Variants in GPBP1L1 observed in about 807,000 individuals in gnomAD.
The protein encoded by GPBP1L1 is vasculin-like protein 1.
In GPBP1L1, 23 loss-of-function variants were observed where a neutral mutation model predicts 52.5. The observed-to-expected ratio is 0.44, with a 90% confidence interval of 0.32 to 0.62. The LOEUF is 0.62. Ranked by LOEUF, GPBP1L1 falls within the 20% of genes least tolerant of loss-of-function variation. The probability of loss-of-function intolerance (pLI) is 0.06; values close to 1 mark genes in which losing one functional copy is unlikely to be tolerated. For synonymous variants in GPBP1L1, 243 were observed against 203.1 expected, an observed-to-expected ratio of 1.20 and a Z score of -1.67; for missense variants, 596 against 579.3, an observed-to-expected ratio of 1.03 and a Z score of -0.30.
chr1:45,629,957 T>TC (rs1213436942), intron 11 of GPBP1L1, among the ~76,000 whole-genome samples: 1 of 151,302 alleles, frequency 6.6e-6, no homozygotes, highest in East Asian at 1.9e-4. Context: ...AGTCTGGCTT[T>TC]TTTTTTTTTT....
intron 8 of GPBP1L1, among the ~76,000 whole-genome samples, chr1:45,638,315 G>C (rs754471146): frequency 2.6e-5 from 4 of 152,110 alleles, no homozygotes; most frequent in Non-Finnish European, 5.9e-5. Context: ...AAGGTTAAAA[G>C]GTGCCACTAC....
At chr1:45,643,645 G>C (rs757977043) in intron 6 of GPBP1L1, among the ~76,000 whole-genome samples, 2 of 149,560 alleles carry the variant, frequency 1.3e-5, no homozygotes, top group Non-Finnish European at 3.0e-5. Flanking sequence ...CTGGTAACAG[G>C]GTAGGAGAAT....
At chr1:45,664,335 G>C (rs75089318) in intron 2 of GPBP1L1, among the ~76,000 whole-genome samples, 2 of 149,922 alleles carry the variant, frequency 1.3e-5, no homozygotes, top group African/African-American at 4.9e-5. Context: ...AAAAGGCCGG[G>C]CGTGGTGGCT....
chr1:45,636,465 T>C (rs1181684774), intron 8 of GPBP1L1, among the ~76,000 whole-genome samples: 1 of 152,216 alleles, frequency 6.6e-6, no homozygotes, highest in Non-Finnish European at 1.5e-5. Context: ...CCTGTTCTTT[T>C]TATACAGGCC....
At position 45,684,596 on chromosome 1, in the gene GPBP1L1, ACAC is replaced by A. The variant is rs1366082048; in HGVS notation, c.-1098+977_-1098+979del. On this transcript the variant is annotated intron_variant, in intron 2 of 12. Coordinates refer to ENST00000355105, the MANE Select transcript of GPBP1L1 (RefSeq NM_021639.5). Reference sequence around the variant, plus strand: ...AAAGGTTTCCCCAAGAGTTCCCCCCACACCACAAATCAAGAGCTCTGATAAAGA... The same window carrying A: ...AAAGGTTTCCCCAAGAGTTCCCCCCACACAAATCAAGAGCTCTGATAAAGA... Among the ~76,000 whole-genome samples, 7 of 152,008 alleles carry A rather than the reference ACAC, an allele frequency of 4.6e-5. No individual in the cohort carries two copies. The East Asian group carries it at 1.3e-3, about 29-fold the overall frequency.
At chr1:45,682,906 T>C (rs574851333) in intron 2 of GPBP1L1, among the ~76,000 whole-genome samples, 4 of 152,328 alleles carry the variant, frequency 2.6e-5, no homozygotes, top group East Asian at 1.9e-4. Flanking sequence ...CTAAGTCTGA[T>C]TTAGAAGTAA....
At position 45,648,026 on chromosome 1, in the gene GPBP1L1, G is replaced by A. The variant is rs543862118; in HGVS notation, c.478-5527C>T. The stretch of plus-strand genomic sequence containing the variant: ...TGCCATCTGGGCTCACTGCAGCTAC[G>A]ACCTGCCAGACTCAAGCAATCCTCC... On this transcript the variant is annotated intron_variant, in intron 6 of 12. Coordinates refer to ENST00000355105, the MANE Select transcript of GPBP1L1 (RefSeq NM_021639.5). Among the ~76,000 whole-genome samples, 8 of 151,958 alleles carry A rather than the reference G, an allele frequency of 5.3e-5. No individual in the cohort carries two copies. In the East Asian group the frequency reaches 7.7e-4, roughly 15 times the overall value.
At chr1:45,665,602 G>A (rs1203382506) in intron 2 of GPBP1L1, among the ~76,000 whole-genome samples, 1 of 151,934 alleles carries the variant, frequency 6.6e-6, no homozygotes, top group Non-Finnish European at 1.5e-5. Flanking sequence ...CTAGCCGGGT[G>A]TGGTGGTGCA....
intron 2 of GPBP1L1, among the ~76,000 whole-genome samples, chr1:45,678,577 T>C (rs992804236): frequency 1.3e-5 from 2 of 151,846 alleles, no homozygotes; most frequent in South Asian, 2.1e-4. Context: ...TAGAGAAAAA[T>C]ACAGGAATTA....
In GPBP1L1 at chr1:45,660,582, A is replaced by C; in HGVS notation, c.-454T>G. On this transcript the variant is annotated 5_prime_UTR_variant, in exon 3 of 13. Coordinates refer to ENST00000355105, the MANE Select transcript of GPBP1L1 (RefSeq NM_021639.5). ...GCACCGAGTGCAAATACTGTTCATA[A>C]CAAGGTCATAGCTAGAAAGACAGAT... 1 of 984,440 alleles carries C rather than the reference A, an allele frequency of 1.0e-6. No individual in the cohort carries two copies. The highest frequency in any genetic ancestry group is 1.2e-6 in the Non-Finnish European group (1 of 829,020). The allele number at this position is 984,440 out of a possible 1,614,324, so 61.0% of individuals were successfully genotyped here.
chr1:45,651,247 G>A (rs755717778), intron 6 of GPBP1L1: 18 of 414,952 alleles, frequency 4.3e-5, no homozygotes, highest in Non-Finnish European at 7.5e-5. Context: ...TCTTTCTGTG[G>A]AGTAGACATC....
chr1:45,629,455 C>CCCA, intron 12 of GPBP1L1, 121 bp downstream of exon 12: 2 of 48,054 alleles, frequency 4.2e-5, no homozygotes, highest in South Asian at 3.2e-4. Flanking sequence ...CTAAGGTAAT[C>CCCA]CCCCCCCCCC....
rs1231965481 is a variant in GPBP1L1 at position 45,628,517 on chromosome 1, G to A, written c.1273-109C>T. ...TCAATTCAATTCTAGGTAGAATGTG[G>A]GGCGGGGGGTGCTTCTAAGAGACCC... On this transcript the variant is annotated intron_variant, in intron 12 of 12. Coordinates refer to ENST00000355105, the MANE Select transcript of GPBP1L1 (RefSeq NM_021639.5). 8.1e-6 allele frequency: 8 copies of A among 986,618 alleles called. No homozygotes were observed. The Admixed American group carries it at 1.6e-4, about 19-fold the overall frequency. The allele number at this position is 986,618 out of a possible 1,614,324, so 61.1% of individuals were successfully genotyped here.
At chr1:45,669,630 C>T (rs1645051018) in intron 2 of GPBP1L1, among the ~76,000 whole-genome samples, 2 of 152,054 alleles carry the variant, frequency 1.3e-5, no homozygotes, top group African/African-American at 4.8e-5. Flanking sequence ...CCCCCTCCAA[C>T]CCCCTGCCAA....
chr1:45,641,839 G>C (rs1439564638), intron 7 of GPBP1L1: 2 of 142,854 alleles, frequency 1.4e-5, no homozygotes, highest in East Asian at 4.1e-4. Flanking sequence ...AAAAAAGTAA[G>C]TGAAGTAGCA....
Position 45,684,813 on chromosome 1 carries a change from AC to A in GPBP1L1, c.-1098+762del, listed in dbSNP as rs202097256. ...CCACCAAAATAATTTAACAACAACA[AC>A]AAAAAATCCTAGGGGTATTAACAAA... On this transcript the variant is annotated intron_variant, in intron 2 of 12. Coordinates refer to ENST00000355105, the MANE Select transcript of GPBP1L1 (RefSeq NM_021639.5). Among the ~76,000 whole-genome samples, 29 of 152,272 alleles carry A rather than the reference AC, an allele frequency of 1.9e-4. 1 individual carries two copies. The East Asian group carries it at 5.4e-3, about 28-fold the overall frequency.
intron 2 of GPBP1L1, among the ~76,000 whole-genome samples, chr1:45,661,585 A>G (rs573476416): frequency 6.6e-6 from 1 of 151,922 alleles, no homozygotes; most frequent in African/African-American, 2.4e-5. Flanking sequence ...CCTCCTGAGT[A>G]GCTGGGATTA....
intron 4 of GPBP1L1, 185 bp downstream of exon 4, chr1:45,658,843 G>A: frequency 1.8e-6 from 1 of 562,788 alleles, no homozygotes; most frequent in Non-Finnish European, 3.2e-6. Flanking sequence ...TCTGGGAGCT[G>A]AGTCAGGAGG....
chr1:45,670,283 T>C (rs535633047), intron 2 of GPBP1L1, among the ~76,000 whole-genome samples: 1 of 152,164 alleles, frequency 6.6e-6, no homozygotes, highest in Admixed American at 6.5e-5. Context: ...GGATACCTAT[T>C]CTTTTTACCA....
Sources: gnomAD v4.1 joint callset for allele counts (sites outside exome capture counted in the v4.1 genomes callset) on GRCh38, gnomAD v4.1.1 for gene constraint, MANE v1.5 for transcripts, NCBI Gene and HGNC (gene_info 2026-07-23, HGNC 2026-07-21) for gene names.